PLXNA4: variants seen among roughly 807,000 people sequenced by gnomAD.
PLXNA4 encodes the protein plexin-A4.
In PLXNA4, 44 loss-of-function variants were observed where a neutral mutation model predicts 191.8. That is an observed-to-expected ratio of 0.23 (90% CI 0.18 to 0.29). The LOEUF is 0.29. Among genes scored for constraint, PLXNA4 ranks in the 10% least tolerant of loss-of-function variants. The pLI is 1.00. For missense variants in PLXNA4, 1,800 were observed against 2,488.8 expected, an observed-to-expected ratio of 0.72 and a Z score of 5.89; for synonymous variants, 1,082 against 1,009.5, an observed-to-expected ratio of 1.07 and a Z score of -1.36.
rs1796085692 is a variant in PLXNA4 at position 132,165,160 on chromosome 7, T to C, written c.4327A>G (p.Thr1443Ala). 1 of 1,613,452 alleles carries C rather than the reference T, an allele frequency of 6.2e-7. No individual in the cohort carries two copies. Among genetic ancestry groups the C allele is most frequent in the Non-Finnish European group, 8.5e-7 (1 of 1,179,596 alleles). The change falls in exon 23 of 32, where the codon ACT becomes GCT. Residue 1443 changes from threonine to alanine, a missense_variant. This residue lies in a region of PLXNA4 where 214 missense variants were observed against 298.2 expected (regional missense o/e 0.72). Coordinates refer to ENST00000321063, the MANE Select transcript of PLXNA4 (RefSeq NM_020911.2). ...TTGAGGAACTTGTAGAGGAGGAAAG[T>C]AAACCAATTGGTCAGCATCTTCTCA... ...VAEKMLTNWF[T>A]FLLYKFLKEC...
intron 13 of PLXNA4, among the ~76,000 whole-genome samples, chr7:132,194,591 G>A (rs1584825480): frequency 1.3e-5 from 2 of 152,192 alleles, no homozygotes; most frequent in African/African-American, 4.8e-5. Context: ...ACAGACCTAA[G>A]GTTTTCTGGT....
chr7:132,282,852 T>G (rs1029330568), intron 4 of PLXNA4, among the ~76,000 whole-genome samples: 1 of 151,920 alleles, frequency 6.6e-6, no homozygotes, highest in African/African-American at 2.4e-5. Flanking sequence ...GTTGGGGATA[T>G]TGGGTCATCA....
At chr7:132,385,088 C>T (rs1805065260) in intron 3 of PLXNA4, 3 of 1,547,576 alleles carry the variant, frequency 1.9e-6, no homozygotes, top group East Asian at 4.8e-5. Flanking sequence ...TGATGTATGG[C>T]TGGGGTCACA....
intron 2 of PLXNA4, among the ~76,000 whole-genome samples, chr7:132,491,140 A>G (rs1797780588): frequency 6.6e-6 from 1 of 152,238 alleles, no homozygotes; most frequent in Admixed American, 6.5e-5. Flanking sequence ...CTCTATAAAG[A>G]TGACGGAAAC....
chr7:132,594,257 G>A (rs969214374), intron 2 of PLXNA4, among the ~76,000 whole-genome samples: 5 of 152,130 alleles, frequency 3.3e-5, no homozygotes, highest in Admixed American at 6.5e-5. Context: ...ACAGACACCC[G>A]TACATGGAGA....
intron 3 of PLXNA4, among the ~76,000 whole-genome samples, chr7:132,376,132 G>C (rs1318747364): frequency 6.6e-6 from 1 of 152,176 alleles, no homozygotes; most frequent in Non-Finnish European, 1.5e-5. Flanking sequence ...TAAGGTTCTT[G>C]AAGTGTTGCT....
At chr7:132,428,581 G>A (rs1795140871) in intron 3 of PLXNA4, among the ~76,000 whole-genome samples, 1 of 152,062 alleles carries the variant, frequency 6.6e-6, no homozygotes, top group Non-Finnish European at 1.5e-5. Flanking sequence ...CAACACCTCA[G>A]TGAGTGTTTC....
At chr7:132,481,345 A>C (rs569943247) in intron 3 of PLXNA4, among the ~76,000 whole-genome samples, 4 of 152,124 alleles carry the variant, frequency 2.6e-5, no homozygotes, top group African/African-American at 9.6e-5. Flanking sequence ...TCCTCCCTCC[A>C]TCAGGGAGGT....
intron 3 of PLXNA4, among the ~76,000 whole-genome samples, chr7:132,347,516 A>T (rs1803292890): frequency 6.6e-6 from 1 of 152,206 alleles, no homozygotes; most frequent in African/African-American, 2.4e-5. Context: ...GACCAAATCA[A>T]CGCCAGCTCA....
At chr7:132,550,012 G>T (rs1021377081) in intron 1 of PLXNA4, among the ~76,000 whole-genome samples, 4 of 152,170 alleles carry the variant, frequency 2.6e-5, no homozygotes, top group Non-Finnish European at 5.9e-5. Flanking sequence ...GGATCCAGTT[G>T]CAGTTTGGAG....
intron 29 of PLXNA4, among the ~76,000 whole-genome samples, chr7:132,141,848 G>A (rs1215885413): frequency 1.3e-5 from 2 of 152,082 alleles, no homozygotes; most frequent in Non-Finnish European, 2.9e-5. Flanking sequence ...TTCTGCCTCA[G>A]CCTCCTGAGT....
At chr7:132,322,682 C>T (rs11974717) in intron 3 of PLXNA4, among the ~76,000 whole-genome samples, 13,955 of 152,256 alleles carry the variant, frequency 0.092, 1,497 homozygotes, top group African/African-American at 0.26. Context: ...GTCACTATCA[C>T]TCATTTAGTT....
chr7:132,181,320 C>A (rs1316098518), intron 18 of PLXNA4, 61 bp downstream of exon 18: 25 of 1,600,440 alleles, frequency 1.6e-5, no homozygotes, highest in Non-Finnish European at 2.1e-5. Context: ...GACTTGAACA[C>A]CCCCTTCCAT....
intron 3 of PLXNA4, among the ~76,000 whole-genome samples, chr7:132,369,714 A>G (rs1157429167): frequency 6.6e-6 from 1 of 152,066 alleles, no homozygotes; most frequent in South Asian, 2.1e-4. Flanking sequence ...TAGACACCCT[A>G]TAGAGGAGTG....
intron 3 of PLXNA4, among the ~76,000 whole-genome samples, chr7:132,471,293 A>T (rs2117418424): frequency 6.6e-6 from 1 of 152,296 alleles, no homozygotes; most frequent in Non-Finnish European, 1.5e-5. Context: ...TTTATAAAGT[A>T]TCCAGCCTCA....
chr7:132,497,782 C>G (rs1463229804), intron 2 of PLXNA4, among the ~76,000 whole-genome samples: 10 of 152,176 alleles, frequency 6.6e-5, no homozygotes, highest in Admixed American at 6.5e-4. Flanking sequence ...GACCCCTGCA[C>G]CCTGGTTGTG....
chr7:132,388,384 A>G (rs1215634880), intron 3 of PLXNA4, among the ~76,000 whole-genome samples: 1 of 152,174 alleles, frequency 6.6e-6, no homozygotes, highest in African/African-American at 2.4e-5. Flanking sequence ...TCACCCAGCC[A>G]CATTGTGTCC....
At chr7:132,473,362 C>T (rs1013859927) in intron 3 of PLXNA4, among the ~76,000 whole-genome samples, 5 of 152,118 alleles carry the variant, frequency 3.3e-5, no homozygotes, top group African/African-American at 7.2e-5. Flanking sequence ...GAGGCCTCAG[C>T]GGCTCCCCCA....
chr7:132,315,586 C>T (rs571296818), intron 3 of PLXNA4, among the ~76,000 whole-genome samples: 10 of 152,286 alleles, frequency 6.6e-5, no homozygotes, highest in South Asian at 2.1e-4. Context: ...ATCTCATTTT[C>T]GATCAGATAT....
Sources: allele counts gnomAD v4.1 joint callset (sites outside exome capture counted in the v4.1 genomes callset), GRCh38; gene constraint gnomAD v4.1.1; regional missense constraint gnomAD v4.1.1; transcripts MANE v1.5; gene names NCBI Gene and HGNC (gene_info 2026-07-23, HGNC 2026-07-21).